The following PRKN variants were observed in gnomAD, a reference collection of about 807,000 sequenced individuals.
PRKN encodes parkin RBR E3 ubiquitin protein ligase.
PRKN carries 56 observed loss-of-function variants against 59.5 expected under a neutral mutation model. That is an observed-to-expected ratio of 0.94 (90% CI 0.76 to 1.18). The LOEUF (loss-of-function observed/expected upper bound fraction) is 1.18. PRKN is among the 50% of genes most tolerant of loss of function. The pLI is 0.00. For missense variants in PRKN, 657 were observed against 596.4 expected (o/e 1.10, Z -1.06); for synonymous variants, 250 against 222.1 (o/e 1.13, Z -1.12).
At chr6:161,599,011 T>C (rs1420629905) in intron 7 of PRKN, among the ~76,000 whole-genome samples, 1 of 152,120 alleles carries the variant, frequency 6.6e-6, no homozygotes, top group East Asian at 1.9e-4. Context: ...CAAAGCCATG[T>C]GATAACAGAT....
chr6:161,849,408 G>A (rs1174047252), intron 6 of PRKN, among the ~76,000 whole-genome samples: 2 of 152,016 alleles, frequency 1.3e-5, no homozygotes, highest in East Asian at 3.9e-4. Flanking sequence ...TAAACTAATT[G>A]CATCTACTTT....
intron 1 of PRKN, among the ~76,000 whole-genome samples, chr6:162,659,723 G>A (rs901564167): frequency 7.9e-5 from 12 of 151,928 alleles, no homozygotes; most frequent in African/African-American, 2.9e-4. Flanking sequence ...ACCAAACTCT[G>A]TTCTATTATA....
At chr6:162,553,693 C>G (rs1012325465) in intron 1 of PRKN, among the ~76,000 whole-genome samples, 1 of 151,294 alleles carries the variant, frequency 6.6e-6, no homozygotes, top group Non-Finnish European at 1.5e-5. Flanking sequence ...ATCTCAGCTA[C>G]TCAGAAGGCT....
At chr6:162,283,275 C>A (rs1204465469) in intron 2 of PRKN, among the ~76,000 whole-genome samples, 1 of 152,098 alleles carries the variant, frequency 6.6e-6, no homozygotes, top group East Asian at 1.9e-4. Context: ...TATCTTTATG[C>A]CAATAAGTCT....
intron 7 of PRKN, among the ~76,000 whole-genome samples, chr6:161,686,639 G>T (rs1583004961): frequency 1.3e-5 from 2 of 152,248 alleles, no homozygotes; most frequent in Admixed American, 1.3e-4. Flanking sequence ...AGATTTTCCA[G>T]CTTCTTTCAA....
chr6:162,489,869 A>G (rs1179064722), intron 1 of PRKN, among the ~76,000 whole-genome samples: 1 of 152,214 alleles, frequency 6.6e-6, no homozygotes, highest in Non-Finnish European at 1.5e-5. Context: ...TCTATGTTCC[A>G]GGGTCACAAC....
chr6:161,717,834 C>T (rs1203555761), intron 7 of PRKN, among the ~76,000 whole-genome samples: 3 of 152,126 alleles, frequency 2.0e-5, no homozygotes, highest in Admixed American at 2.0e-4. Context: ...AGTTTTGGCC[C>T]AGGCCCGCTT....
In PRKN at chr6:161,368,748, T is replaced by C. The variant is rs377127440; in HGVS notation, c.1168-8543A>G. On this transcript the variant is annotated intron_variant, in intron 10 of 11. Coordinates refer to ENST00000366898, the MANE Select transcript of PRKN (RefSeq NM_004562.3). ...CCGCCCTTCTGCCCTGGGCCATCGCTGCTGCCTGGCCGGTTCTCCCTTCCC... is the reference window on the plus strand; with the variant it reads ...CCGCCCTTCTGCCCTGGGCCATCGCCGCTGCCTGGCCGGTTCTCCCTTCCC... Among the ~76,000 whole-genome samples, 25 of 151,140 alleles carry C rather than the reference T, an allele frequency of 1.7e-4. No homozygotes were observed. In the South Asian group the frequency reaches 4.6e-3, roughly 28 times the overall value.
Position 161,547,696 on chromosome 6 carries a change from C to T in PRKN, c.1083+1158G>A, listed in dbSNP as rs1265421322. Among the ~76,000 whole-genome samples, 1 of 152,230 alleles carries T rather than the reference C, an allele frequency of 6.6e-6. No individual in the cohort carries two copies. The highest frequency in any genetic ancestry group is 2.4e-5 in the African/African-American group (1 of 41,442). ...AGGTTGGCAACCTGCTGAGGCCACA[C>T]ACAATCATTGCAGATAATTCAGCAC... On this transcript the variant is annotated intron_variant, in intron 9 of 11. Transcript: ENST00000366898. This position sits in a 1 kb window ranked among gnomAD's most constrained non-coding sequence, Gnocchi z 4.0.
intron 1 of PRKN, among the ~76,000 whole-genome samples, chr6:162,660,103 C>T (rs1227649463): frequency 6.6e-6 from 1 of 152,152 alleles, no homozygotes; most frequent in African/African-American, 2.4e-5. Flanking sequence ...TTCTCTCACA[C>T]ACAATACAAA....
intron 2 of PRKN, among the ~76,000 whole-genome samples, chr6:162,303,930 A>C (rs924291580): frequency 6.6e-6 from 1 of 152,096 alleles, no homozygotes; most frequent in African/African-American, 2.4e-5. Flanking sequence ...CCTTCTCTGC[A>C]GGGAATTTTT....
intron 7 of PRKN, among the ~76,000 whole-genome samples, chr6:161,710,864 TTTCC>T (rs369791172): frequency 1.8e-3 from 93 of 51,696 alleles, no homozygotes; most frequent in African/African-American, 3.7e-3. Flanking sequence ...TTCCCTTCCC[TTTCC>T]TTCCTTCCTT....
chr6:161,360,638 A>G lies in PRKN; in HGVS notation c.1168-433T>C, dbSNP rs1027394771. On this transcript the variant is annotated intron_variant, in intron 10 of 11. Coordinates refer to ENST00000366898, the MANE Select transcript of PRKN (RefSeq NM_004562.3). This position sits in a 1 kb window ranked among gnomAD's most constrained non-coding sequence, Gnocchi z 5.1. ...TGGCCCAAAGCTGGTAAGTGGGAGT[A>G]TCAGTGTGACTCTGGAATCTTTGCT... Among the ~76,000 whole-genome samples the G allele has an allele frequency of 2.2e-4, 33 of 152,214 alleles. No individual in the cohort carries two copies. Among genetic ancestry groups the G allele is most frequent in the African/African-American group, 7.7e-4 (32 of 41,456 alleles).
At chr6:161,888,506 T>A (rs936929188) in intron 6 of PRKN, among the ~76,000 whole-genome samples, 5 of 152,168 alleles carry the variant, frequency 3.3e-5, no homozygotes, top group Non-Finnish European at 7.4e-5. Context: ...CATGTACCAG[T>A]AGTTTTCAAT....
intron 3 of PRKN, among the ~76,000 whole-genome samples, chr6:162,218,413 G>C (rs766113917): frequency 9.5e-4 from 145 of 152,278 alleles, no homozygotes; most frequent in Non-Finnish European, 1.1e-3. Flanking sequence ...GCAGAGGGCA[G>C]AACCCTGAGG....
intron 4 of PRKN, among the ~76,000 whole-genome samples, chr6:162,096,935 T>C (rs7766924): frequency 0.69 from 101,311 of 146,270 alleles, 34,971 homozygotes; most frequent in East Asian, 0.82. Context: ...GGCAGGATCT[T>C]GGCTCAGTGC....
intron 6 of PRKN, among the ~76,000 whole-genome samples, chr6:161,800,166 A>G (rs1791020105): frequency 6.6e-6 from 1 of 152,164 alleles, no homozygotes; most frequent in African/African-American, 2.4e-5. Context: ...AGGGAGATGC[A>G]TGGACATGGT....
At chr6:162,123,554 A>T (rs1420595141) in intron 4 of PRKN, among the ~76,000 whole-genome samples, 4 of 152,212 alleles carry the variant, frequency 2.6e-5, no homozygotes, top group African/African-American at 9.6e-5. Flanking sequence ...AGGTTATAAG[A>T]TTCTGTTGCA....
chr6:162,021,196 A>ATT (rs1554261934), intron 5 of PRKN, among the ~76,000 whole-genome samples: 1 of 114,164 alleles, frequency 8.8e-6, no homozygotes, highest in African/African-American at 3.1e-5. Flanking sequence ...TTATATATAT[A>ATT]ATATATATAA....
Sources: gnomAD v4.1 joint callset for allele counts (sites outside exome capture counted in the v4.1 genomes callset) on GRCh38, gnomAD v4.1.1 for gene constraint, Gnocchi (gnomAD v3.1) non-coding constraint, MANE v1.5 for transcripts, NCBI Gene and HGNC (gene_info 2026-07-23, HGNC 2026-07-21) for gene names.